The following CATSPER3 variants were observed in gnomAD, a reference collection of about 807,000 sequenced individuals.
CATSPER3 encodes the protein cation channel sperm-associated protein 3.
A neutral mutation model predicts 36.6 loss-of-function variants in CATSPER3; 23 were observed. The ratio of observed to expected loss-of-function variants is 0.63; its 90% CI spans 0.45 to 0.89. CATSPER3 has a LOEUF of 0.89. Among genes scored for constraint, CATSPER3 ranks in the 40% least tolerant of loss-of-function variants. The pLI is 0.00. For missense variants in CATSPER3, 474 were observed against 503.9 expected, an observed-to-expected ratio of 0.94 and a Z score of 0.57; for synonymous variants, 172 against 184.1, an observed-to-expected ratio of 0.93 and a Z score of 0.53.
At chr5:134,969,725 G>A in intron 1 of CATSPER3, 1 of 579,322 alleles carries the variant, frequency 1.7e-6, no homozygotes, top group Non-Finnish European at 3.1e-6. Flanking sequence ...CAGGGAGAGG[G>A]AGCTAAGTAA....
rs201141690 is a variant in CATSPER3 at position 135,010,499 on chromosome 5, A to C, written c.1063A>C (p.Thr355Pro). The change falls in exon 7 of 8, where the codon ACT becomes CCT. Residue 355 changes from threonine (T) to proline (P), a missense_variant. Coordinates refer to ENST00000282611, the MANE Select transcript of CATSPER3 (RefSeq NM_178019.3). ...ACCCTTCATCGATATCTACTTTTCC[A>C]CTCTGGACTACCAGGACACAACTGT... The part of the protein sequence containing the change: ...SLPFIDIYFS[T>P]LDYQDTTVHK... 6.2e-7 allele frequency: 1 copy of C among 1,613,674 alleles called. No individual in the cohort carries two copies. The highest frequency in any genetic ancestry group is 8.5e-7 in the Non-Finnish European group (1 of 1,179,860).
chr5:134,967,927 A>G lies in CATSPER3; in HGVS notation c.-65A>G. 1 of 1,257,098 alleles carries G rather than the reference A, an allele frequency of 8.0e-7. No homozygotes were observed. Among genetic ancestry groups the G allele is most frequent in the Non-Finnish European group, 1.2e-6 (1 of 857,464 alleles). 77.9% of individuals were successfully genotyped at this position (1,257,098 alleles called of 1,614,324 possible). Reference sequence around the variant, plus strand: ...CTCTCAGAATCCAGACGCTAAGGAAAATCCCTAAGCAGAGATTTTCTGTTG... The same window carrying G: ...CTCTCAGAATCCAGACGCTAAGGAAGATCCCTAAGCAGAGATTTTCTGTTG... On this transcript the variant is annotated 5_prime_UTR_variant, in exon 1 of 8. Coordinates refer to ENST00000282611, the MANE Select transcript of CATSPER3 (RefSeq NM_178019.3).
At chr5:134,977,919 A>G (rs1012227487) in intron 2 of CATSPER3, among the ~76,000 whole-genome samples, 1 of 152,080 alleles carries the variant, frequency 6.6e-6, no homozygotes, top group Non-Finnish European at 1.5e-5. Flanking sequence ...CAAGAGAGAG[A>G]GGGGGGAACT....
At chr5:134,982,487 A>C (rs1751762159) in intron 2 of CATSPER3, among the ~76,000 whole-genome samples, 1 of 152,248 alleles carries the variant, frequency 6.6e-6, no homozygotes, top group Non-Finnish European at 1.5e-5. Flanking sequence ...AACCTCAATA[A>C]GATTAACAGC....
chr5:134,980,742 C>G (rs561713978), intron 2 of CATSPER3, among the ~76,000 whole-genome samples: 13 of 152,058 alleles, frequency 8.5e-5, no homozygotes, highest in Middle Eastern at 3.4e-3. Context: ...TTCCTCCTTT[C>G]TTTATCAGAC....
rs577823638 is a variant in CATSPER3, at chr5:134,973,840, C to G, written c.252+3748C>G. 3.3e-5 allele frequency among the ~76,000 whole-genome samples: 5 copies of G among 152,158 alleles called. No individual in the cohort carries two copies. In the South Asian group the frequency reaches 8.3e-4, roughly 25 times the overall value. On this transcript the variant is annotated intron_variant, in intron 2 of 7. Coordinates refer to ENST00000282611, the MANE Select transcript of CATSPER3 (RefSeq NM_178019.3). Reference sequence around the variant, plus strand: ...TAATCTATGAGGTTTTAATGATACCCCAAAACAAACTGTCCACTTTTGGAG... The same window carrying G: ...TAATCTATGAGGTTTTAATGATACCGCAAAACAAACTGTCCACTTTTGGAG...
chr5:134,973,366 T>TG (rs1341024197), intron 2 of CATSPER3, among the ~76,000 whole-genome samples: 4 of 152,184 alleles, frequency 2.6e-5, no homozygotes, highest in Admixed American at 2.6e-4. Flanking sequence ...GTAATCAACT[T>TG]AGTGGCAACA....
intron 4 of CATSPER3, 34 bp downstream of exon 4, chr5:135,008,173 G>T: frequency 1.3e-6 from 2 of 1,580,538 alleles, no homozygotes; most frequent in Non-Finnish European, 1.7e-6. Flanking sequence ...GAGGGCAGGG[G>T]CCTTAGGAAG....
chr5:134,991,341 A>G (rs1174454913), intron 2 of CATSPER3, among the ~76,000 whole-genome samples: 1 of 152,232 alleles, frequency 6.6e-6, no homozygotes, highest in Non-Finnish European at 1.5e-5. Context: ...CTAAAACAAT[A>G]TTGAAAACGA....
At chr5:134,981,311 T>G (rs1052598289) in intron 2 of CATSPER3, among the ~76,000 whole-genome samples, 2 of 152,054 alleles carry the variant, frequency 1.3e-5, no homozygotes, top group Non-Finnish European at 2.9e-5. Context: ...GCCAACATGG[T>G]GAAACCCTGT....
At chr5:134,979,975 T>TTCCC (rs2149546919) in intron 2 of CATSPER3, among the ~76,000 whole-genome samples, 2 of 101,996 alleles carry the variant, frequency 2.0e-5, no homozygotes, top group Admixed American at 1.5e-4. Context: ...TTTCCTACCC[T>TTCCC]TCCCTCCTTT....
intron 3 of CATSPER3, among the ~76,000 whole-genome samples, chr5:135,006,689 T>G (rs1339791629): frequency 1.3e-5 from 2 of 151,292 alleles, no homozygotes; most frequent in African/African-American, 4.9e-5. Context: ...CAAAAAAAAA[T>G]TAGCCGGGCG....
chr5:134,980,919 G>C (rs1018651727), intron 2 of CATSPER3, among the ~76,000 whole-genome samples: 4 of 151,860 alleles, frequency 2.6e-5, no homozygotes, highest in African/African-American at 9.7e-5. Context: ...TGTAGATACA[G>C]TATCTCACTA....
chr5:135,006,848 A>AAT (rs1554069453), intron 3 of CATSPER3, among the ~76,000 whole-genome samples: 6 of 142,172 alleles, frequency 4.2e-5, no homozygotes, highest in Admixed American at 1.4e-4. Context: ...AAAAAAAAAA[A>AAT]AATAATAATA....
chr5:134,988,225 CAT>C (rs1332177920), intron 2 of CATSPER3, among the ~76,000 whole-genome samples: 1 of 152,212 alleles, frequency 6.6e-6, no homozygotes, highest in Non-Finnish European at 1.5e-5. Flanking sequence ...TTCAGCAAGA[CAT>C]AATCTTTTTG....
chr5:134,986,865 A>G (rs1466345362), intron 2 of CATSPER3, among the ~76,000 whole-genome samples: 1 of 152,244 alleles, frequency 6.6e-6, no homozygotes, highest in African/African-American at 2.4e-5. Context: ...GGATGCAGTG[A>G]AAGCAGTGCT....
In CATSPER3 at chr5:134,996,476, C is replaced by A; in HGVS notation, c.456C>A (p.Arg152=). Residue 152 remains arginine, a synonymous_variant, in exon 3 of 8, where the codon CGC becomes CGA. Coordinates refer to ENST00000282611, the MANE Select transcript of CATSPER3 (RefSeq NM_178019.3). ...LYIADGMQSL[R]ILKLIGYSQG... The stretch of plus-strand genomic sequence containing the variant: ...TCGCTGATGGCATGCAGTCCCTGCG[C>A]ATCCTCAAGCTTATCGGCTATAGCC... The A allele has an allele frequency of 6.2e-7, 1 of 1,614,192 alleles. No homozygotes were observed. The highest frequency in any genetic ancestry group is 8.5e-7 in the Non-Finnish European group (1 of 1,180,012).
At chr5:134,998,444 A>T (rs1751979926) in intron 3 of CATSPER3, among the ~76,000 whole-genome samples, 1 of 152,232 alleles carries the variant, frequency 6.6e-6, no homozygotes, top group South Asian at 2.1e-4. Context: ...CAGTAATGGG[A>T]TGGCTGGGTC....
At chr5:134,971,335 T>C (rs948794484) in intron 2 of CATSPER3, among the ~76,000 whole-genome samples, 8 of 152,024 alleles carry the variant, frequency 5.3e-5, no homozygotes, top group African/African-American at 1.4e-4. Context: ...GTGGGAGAAT[T>C]GCTTGAGCCT....
Sources: gnomAD v4.1 joint callset for allele counts (sites outside exome capture counted in the v4.1 genomes callset) on GRCh38, gnomAD v4.1.1 for gene constraint, MANE v1.5 for transcripts, NCBI Gene and HGNC (gene_info 2026-07-23, HGNC 2026-07-21) for gene names.